RBFOX1: variants seen among roughly 807,000 people sequenced by gnomAD.
RBFOX1 encodes RNA binding fox-1 homolog 1.
RBFOX1 carries 8 observed loss-of-function variants against 57.7 expected under a neutral mutation model. The observed-to-expected ratio is 0.14, with a 90% CI of 0.08 to 0.25. The LOEUF (loss-of-function observed/expected upper bound fraction) is 0.25. Among genes scored for constraint, RBFOX1 ranks in the 10% least tolerant of loss-of-function variants. The pLI is 1.00. For synonymous variants in RBFOX1, 326 were observed against 222.4 expected (o/e 1.47, Z -4.15); for missense variants, 611 against 548.5 (o/e 1.11, Z -1.14).
At chr16:5,377,363 C>T (rs11649683) in intron 1 of RBFOX1, among the ~76,000 whole-genome samples, 54,834 of 150,782 alleles carry the variant, frequency 0.36, 10,763 homozygotes, top group African/African-American at 0.4. Flanking sequence ...GATGGGGTCA[C>T]GTAAGCAGAG....
chr16:7,051,951 T>A (rs1189018279), intron 3 of RBFOX1, 106 bp from the exon 4 acceptor site: 2 of 1,480,602 alleles, frequency 1.4e-6, no homozygotes, highest in East Asian at 2.5e-5. Context: ...TAATTAATTA[T>A]GGGTTTTCTT....
intron 5 of RBFOX1, among the ~76,000 whole-genome samples, chr16:7,535,413 TG>T (rs1344113325): frequency 3.3e-5 from 5 of 152,210 alleles, no homozygotes; most frequent in African/African-American, 4.8e-5. Context: ...GACATCTCGC[TG>T]GACATTGCGA....
intron 2 of RBFOX1, among the ~76,000 whole-genome samples, chr16:5,470,018 G>A (rs1008664310): frequency 3.3e-5 from 5 of 152,186 alleles, no homozygotes; most frequent in Admixed American, 2.6e-4. Context: ...ATATACCTAG[G>A]AGTGGAATTG....
At chr16:7,093,359 T>C (rs1784566198) in intron 4 of RBFOX1, among the ~76,000 whole-genome samples, 1 of 152,234 alleles carries the variant, frequency 6.6e-6, no homozygotes, top group African/African-American at 2.4e-5. Context: ...GCCCTGAATG[T>C]TCTCTGTTGT....
intron 4 of RBFOX1, among the ~76,000 whole-genome samples, chr16:6,009,900 C>T (rs1159965997): frequency 1.3e-5 from 2 of 151,826 alleles, no homozygotes; most frequent in African/African-American, 4.8e-5. Flanking sequence ...GAATCTCCAG[C>T]ATGGAGCCCA....
At chr16:5,357,046 G>A (rs1290499415) in intron 1 of RBFOX1, among the ~76,000 whole-genome samples, 1 of 152,186 alleles carries the variant, frequency 6.6e-6, no homozygotes, top group Non-Finnish European at 1.5e-5. Flanking sequence ...CTACTTGCCC[G>A]TGATGACACA....
intron 2 of RBFOX1, among the ~76,000 whole-genome samples, chr16:6,466,768 T>C (rs1432576584): frequency 6.6e-6 from 1 of 152,166 alleles, no homozygotes; most frequent in Non-Finnish European, 1.5e-5. Flanking sequence ...CTGTTCAATG[T>C]GGACATTAAT....
intron 1 of RBFOX1, among the ~76,000 whole-genome samples, chr16:6,311,562 C>G (rs1302349785): frequency 6.6e-6 from 1 of 152,158 alleles, no homozygotes; most frequent in Non-Finnish European, 1.5e-5. Flanking sequence ...GGTGCTTTAA[C>G]CCATGACTGT....
chr16:5,780,487 A>G (rs1372100322), intron 3 of RBFOX1, among the ~76,000 whole-genome samples: 3 of 152,240 alleles, frequency 2.0e-5, no homozygotes, highest in East Asian at 1.9e-4. Flanking sequence ...ATAAAATCAT[A>G]ATATCACGTT....
In RBFOX1 at chr16:6,935,453, C is replaced by T. The variant is rs533351932; in HGVS notation, c.-15-116604C>T. Among the ~76,000 whole-genome samples, 4 of 152,264 alleles carry T rather than the reference C, an allele frequency of 2.6e-5. No individual in the cohort carries two copies. The South Asian group carries it at 8.3e-4, about 32-fold the overall frequency. On this transcript the variant is annotated intron_variant, in intron 3 of 15. Transcript: ENST00000550418. ...TTTTCTCTCTCTTCTTGTCAATTTT[C>T]TTTTGCAATAATGAATGATTACTGT...
chr16:7,004,032 T>A (rs2093078966), intron 3 of RBFOX1: 1 of 151,872 alleles, frequency 6.6e-6, no homozygotes, highest in African/African-American at 2.4e-5. Context: ...TTCACAAATT[T>A]GCGTGCCATC....
At chr16:6,482,492 G>A (rs1428102048) in intron 2 of RBFOX1, among the ~76,000 whole-genome samples, 2 of 152,192 alleles carry the variant, frequency 1.3e-5, no homozygotes, top group Admixed American at 1.3e-4. Context: ...GATCTATGAG[G>A]ACTTCTTGGG....
At chr16:6,078,904 G>C (rs1466289886) in intron 1 of RBFOX1, among the ~76,000 whole-genome samples, 1 of 152,114 alleles carries the variant, frequency 6.6e-6, no homozygotes, top group African/African-American at 2.4e-5. Context: ...TTGTTAATGT[G>C]GTAAAAATGT....
intron 4 of RBFOX1, among the ~76,000 whole-genome samples, chr16:7,057,652 G>C (rs775789686): frequency 6.6e-6 from 1 of 152,174 alleles, no homozygotes; most frequent in Non-Finnish European, 1.5e-5. Context: ...CAGTTGCCCA[G>C]GGCCAACTCT....
intron 3 of RBFOX1, among the ~76,000 whole-genome samples, chr16:5,634,741 A>G (rs2048627893): frequency 6.6e-6 from 1 of 152,176 alleles, no homozygotes; most frequent in Non-Finnish European, 1.5e-5. Flanking sequence ...TATTCTCTCC[A>G]TTTCTCTTTC....
intron 10 of RBFOX1, among the ~76,000 whole-genome samples, chr16:7,620,268 A>G (rs2059110077): frequency 1.3e-5 from 2 of 152,240 alleles, no homozygotes; most frequent in Non-Finnish European, 2.9e-5. Flanking sequence ...ATATTCGATC[A>G]AGTACACATT....
chr16:7,488,196 C>T (rs2065922019), intron 4 of RBFOX1, among the ~76,000 whole-genome samples: 1 of 152,256 alleles, frequency 6.6e-6, no homozygotes, highest in East Asian at 1.9e-4. Flanking sequence ...CTGCAGCGTG[C>T]TCATCCCTGC....
chr16:7,294,949 T>G (rs1308565405), intron 4 of RBFOX1, among the ~76,000 whole-genome samples: 1 of 152,234 alleles, frequency 6.6e-6, no homozygotes, highest in Non-Finnish European at 1.5e-5. Context: ...GTGCCCTCAG[T>G]TTCTTCTTAT....
intron 1 of RBFOX1, chr16:6,038,585 TAA>T (rs1257860330): frequency 1.4e-5 from 2 of 144,056 alleles, no homozygotes; most frequent in East Asian, 2.0e-4. Context: ...TATATATATA[TAA>T]AATCCATATA....
Sources: gnomAD v4.1 joint callset for allele counts (sites outside exome capture counted in the v4.1 genomes callset) on GRCh38, gnomAD v4.1.1 for gene constraint, MANE v1.5 for transcripts, NCBI Gene and HGNC (gene_info 2026-07-23, HGNC 2026-07-21) for gene names.